TMEM132B: variants seen among roughly 807,000 people sequenced by gnomAD.
TMEM132B encodes the protein transmembrane protein 132B.
Under a neutral mutation model 90.8 loss-of-function variants are expected in TMEM132B, and 18 were observed. That is an observed-to-expected ratio of 0.20 (90% CI 0.14 to 0.29). The LOEUF is 0.29. TMEM132B is among the 10% of genes least tolerant of loss of function. The pLI, the probability that TMEM132B is intolerant of heterozygous loss-of-function variation, is 1.00. For missense variants in TMEM132B, 1,096 were observed against 1,326.8 expected (o/e 0.83, Z 2.70); for synonymous variants, 504 against 523.3 (o/e 0.96, Z 0.50).
At chr12:125,335,155 C>G (rs1323696023) in intron 1 of TMEM132B, among the ~76,000 whole-genome samples, 1 of 152,188 alleles carries the variant, frequency 6.6e-6, no homozygotes. Context: ...GGTAATTGCT[C>G]AAATGTCTGG....
chr12:125,448,780 C>T (rs1881070893), intron 3 of TMEM132B, among the ~76,000 whole-genome samples: 10 of 152,044 alleles, frequency 6.6e-5, no homozygotes. Flanking sequence ...TGATTTTATG[C>T]TTCCTACAGT....
intron 5 of TMEM132B, among the ~76,000 whole-genome samples, chr12:125,620,043 G>A (rs961488942): frequency 5.3e-5 from 8 of 152,112 alleles, no homozygotes; most frequent in African/African-American, 1.9e-4. Flanking sequence ...AGTAAGATGG[G>A]CATCTTAATG....
At chr12:125,423,709 C>T (rs1880234307) in intron 3 of TMEM132B, among the ~76,000 whole-genome samples, 1 of 152,140 alleles carries the variant, frequency 6.6e-6, no homozygotes, top group Non-Finnish European at 1.5e-5. Flanking sequence ...TAAAAGTCAT[C>T]TCCAAATCTA....
chr12:125,636,909 C>A (rs1307539742), intron 5 of TMEM132B, among the ~76,000 whole-genome samples: 1 of 152,190 alleles, frequency 6.6e-6, no homozygotes, highest in Non-Finnish European at 1.5e-5. Context: ...GGTCTTTACA[C>A]TCTCACAATA....
At chr12:125,347,950 AAAAG>A (rs1266099687) in intron 1 of TMEM132B, among the ~76,000 whole-genome samples, 2 of 152,264 alleles carry the variant, frequency 1.3e-5, no homozygotes, top group Non-Finnish European at 2.9e-5. Flanking sequence ...GTAACAAATT[AAAAG>A]AAAGCAGAAA....
At chr12:125,631,370 T>A (rs1024308283) in intron 5 of TMEM132B, among the ~76,000 whole-genome samples, 9 of 152,186 alleles carry the variant, frequency 5.9e-5, no homozygotes, top group Non-Finnish European at 8.8e-5. Flanking sequence ...TTGTTTCAAA[T>A]TTTTTAAAGT....
chr12:125,401,943 T>C lies in TMEM132B; in HGVS notation c.960-13588T>C, dbSNP rs146442366. ...CGATCTGTGCACTTTGAACAAAGAATGCATGTTGATAATTTGTCATTTTTC... is the reference window on the plus strand; with the variant it reads ...CGATCTGTGCACTTTGAACAAAGAACGCATGTTGATAATTTGTCATTTTTC... On this transcript the variant is annotated intron_variant, in intron 2 of 8. Transcript: ENST00000682704. Among the ~76,000 whole-genome samples, 866 of 152,316 alleles carry C rather than the reference T, an allele frequency of 5.7e-3. 10 individuals carry two copies. Among genetic ancestry groups the C allele is most frequent in the African/African-American group, 0.019 (794 of 41,576 alleles).
intron 2 of TMEM132B, among the ~76,000 whole-genome samples, chr12:125,369,001 C>T (rs573782435): frequency 1.3e-4 from 20 of 152,118 alleles, no homozygotes; most frequent in Admixed American, 1.2e-3. Flanking sequence ...AGGTATATCT[C>T]CTAATGCTAT....
chr12:125,252,172 G>A (rs1160857608), intron 1 of TMEM132B, among the ~76,000 whole-genome samples: 2 of 152,220 alleles, frequency 1.3e-5, no homozygotes, highest in Non-Finnish European at 2.9e-5. Context: ...ACCAAGACAA[G>A]CCAAAAAGAA....
At chr12:125,556,336 A>G (rs367730275) in intron 4 of TMEM132B, among the ~76,000 whole-genome samples, 4 of 152,228 alleles carry the variant, frequency 2.6e-5, no homozygotes, top group East Asian at 1.9e-4. Context: ...CACGTCAAAG[A>G]CTATGATTAG....
At position 125,648,619 on chromosome 12, in the gene TMEM132B, G is replaced by A. The variant is rs185911794; in HGVS notation, c.1644-2064G>A. On this transcript the variant is annotated intron_variant, in intron 6 of 8. Coordinates refer to ENST00000682704, the MANE Select transcript of TMEM132B (RefSeq NM_001366854.1). Reference sequence around the variant, plus strand: ...AATTAAAAGTTTAAATAAATGAATAGGATACAATCTATCCTAAAATAACAG... The same window carrying A: ...AATTAAAAGTTTAAATAAATGAATAAGATACAATCTATCCTAAAATAACAG... Among the ~76,000 whole-genome samples, 933 of 149,562 alleles carry A rather than the reference G, an allele frequency of 6.2e-3. 10 individuals are homozygous for A. Among genetic ancestry groups the A allele is most frequent in the Middle Eastern group, 0.041 (12 of 290 alleles).
At chr12:125,295,875 A>G (rs906153447) in intron 1 of TMEM132B, among the ~76,000 whole-genome samples, 2 of 152,218 alleles carry the variant, frequency 1.3e-5, no homozygotes, top group Non-Finnish European at 2.9e-5. Flanking sequence ...TAACACAATC[A>G]GGCGGCACTT....
At chr12:125,653,063 CT>C in intron 8 of TMEM132B, among the ~76,000 whole-genome samples, 1 of 152,346 alleles carries the variant, frequency 6.6e-6, no homozygotes, top group East Asian at 1.9e-4. Context: ...CATCTCTAAA[CT>C]TCTATAAATT....
At chr12:125,295,494 T>C (rs1875644905) in intron 1 of TMEM132B, among the ~76,000 whole-genome samples, 1 of 132,908 alleles carries the variant, frequency 7.5e-6, no homozygotes, top group East Asian at 2.0e-4. Context: ...CTCTCCTCCA[T>C]GAAACCTGTG....
chr12:125,264,200 TCCTCTG>T (rs934814346), intron 1 of TMEM132B, among the ~76,000 whole-genome samples: 14 of 152,308 alleles, frequency 9.2e-5, no homozygotes, highest in Middle Eastern at 3.4e-3. Context: ...TCACATCGCT[TCCTCTG>T]CCTCTGCCTC....
intron 3 of TMEM132B, among the ~76,000 whole-genome samples, chr12:125,456,080 C>T (rs560284679): frequency 1.5e-3 from 232 of 152,210 alleles, no homozygotes; most frequent in African/African-American, 5.2e-3. Flanking sequence ...AGTGGCAGGC[C>T]GAATTTGGCC....
At position 125,604,356 on chromosome 12, in the gene TMEM132B, A is replaced by C. The variant is rs531775445; in HGVS notation, c.1437+20362A>C. On this transcript the variant is annotated intron_variant, in intron 5 of 8. Coordinates refer to ENST00000682704, the MANE Select transcript of TMEM132B (RefSeq NM_001366854.1). ...TAAACAAACACAGGAACAGAAAACCAAACACCACATGTTTTCACTCATAAG... is the reference window on the plus strand; with the variant it reads ...TAAACAAACACAGGAACAGAAAACCCAACACCACATGTTTTCACTCATAAG... 3.2e-3 allele frequency among the ~76,000 whole-genome samples: 483 copies of C among 152,210 alleles called. 2 individuals are homozygous for C. The highest frequency in any genetic ancestry group is 4.6e-3 in the Non-Finnish European group (312 of 68,010).
At chr12:125,465,767 C>T (rs571994686) in intron 3 of TMEM132B, among the ~76,000 whole-genome samples, 5 of 152,184 alleles carry the variant, frequency 3.3e-5, no homozygotes, top group African/African-American at 4.8e-5. Flanking sequence ...ACCCATCAAT[C>T]GAGACACTTG....
At chr12:125,282,064 AGAC>A (rs1267280783) in intron 1 of TMEM132B, among the ~76,000 whole-genome samples, 1 of 132,252 alleles carries the variant, frequency 7.6e-6, no homozygotes, top group Non-Finnish European at 1.6e-5. Context: ...AAAAAAAGAG[AGAC>A]TTTTGAAGCT....
Sources: gnomAD v4.1 joint callset for allele counts (sites outside exome capture counted in the v4.1 genomes callset) on GRCh38, gnomAD v4.1.1 for gene constraint, MANE v1.5 for transcripts, NCBI Gene and HGNC (gene_info 2026-07-23, HGNC 2026-07-21) for gene names.